The following SEMA3D variants were observed in gnomAD, a reference collection of about 807,000 sequenced individuals.
SEMA3D encodes the protein semaphorin 3D.
Under a neutral mutation model 100.1 loss-of-function variants are expected in SEMA3D, and 84 were observed. The ratio of observed to expected loss-of-function variants is 0.84; its 90% CI spans 0.70 to 1.01. SEMA3D has a LOEUF of 1.01. SEMA3D is among the 50% of genes least tolerant of loss of function. SEMA3D has a pLI of 0.00. For missense variants in SEMA3D, 875 were observed against 934.1 expected (o/e 0.94, Z 0.82); for synonymous variants, 312 against 320.7 (o/e 0.97, Z 0.29).
chr7:85,247,554 G>T, the SEMA3D span, among the ~76,000 whole-genome samples: 1 of 152,028 alleles, frequency 6.6e-6, no homozygotes, highest in Non-Finnish European at 1.5e-5. Flanking sequence ...ATGATTTCAA[G>T]TTTACATGGA....
At chr7:85,184,782 C>T (rs1217200676) in intron 1 of SEMA3D, among the ~76,000 whole-genome samples, 3 of 152,176 alleles carry the variant, frequency 2.0e-5, no homozygotes, top group African/African-American at 7.2e-5. Context: ...CTTCCAAGAG[C>T]CAAGGTCATT....
intron 9 of SEMA3D, among the ~76,000 whole-genome samples, chr7:85,043,599 C>T (rs1467507738): frequency 1.3e-5 from 2 of 151,978 alleles, no homozygotes; most frequent in African/African-American, 2.4e-5. Flanking sequence ...CTCTGTGTCC[C>T]GACCCAAATC....
chr7:85,044,803 G>A (rs1329884786), intron 9 of SEMA3D, among the ~76,000 whole-genome samples: 1 of 152,016 alleles, frequency 6.6e-6, no homozygotes, highest in Non-Finnish European at 1.5e-5. Context: ...CACTGACACT[G>A]TTTACAATTA....
intron 8 of SEMA3D, among the ~76,000 whole-genome samples, chr7:85,059,122 T>A (rs1318932708): frequency 6.6e-6 from 1 of 152,196 alleles, no homozygotes; most frequent in African/African-American, 2.4e-5. Flanking sequence ...TTAGAACTTT[T>A]TGAATTTACA....
chr7:85,157,152 T>C (rs979941661), intron 1 of SEMA3D, among the ~76,000 whole-genome samples: 5 of 152,226 alleles, frequency 3.3e-5, no homozygotes, highest in Non-Finnish European at 5.9e-5. Flanking sequence ...TAGGGTTTTA[T>C]TCTATTTCTT....
chr7:85,159,407 A>G (rs75529407), intron 1 of SEMA3D, among the ~76,000 whole-genome samples: 27,879 of 152,030 alleles, frequency 0.18, 2,767 homozygotes, highest in Non-Finnish European at 0.23. Flanking sequence ...ATTTTCCTCT[A>G]ACTCTAGTCC....
At chr7:85,217,735 G>A in the SEMA3D span, among the ~76,000 whole-genome samples, 1 of 152,010 alleles carries the variant, frequency 6.6e-6, no homozygotes, top group African/African-American at 2.4e-5. Flanking sequence ...AGCCCATTAT[G>A]ACTCTACCAA....
intron 2 of SEMA3D, chr7:85,143,462 A>G (rs1021255496): frequency 3.3e-5 from 5 of 152,304 alleles, no homozygotes; most frequent in South Asian, 4.1e-4. Context: ...CCCAGGCAAC[A>G]AATCTGTACA....
the SEMA3D span, among the ~76,000 whole-genome samples, chr7:85,214,022 A>C: frequency 1.3e-5 from 2 of 152,186 alleles, no homozygotes; most frequent in Non-Finnish European, 2.9e-5. Context: ...TGGTTATGGT[A>C]ATATAAACCC....
intron 2 of SEMA3D, among the ~76,000 whole-genome samples, chr7:85,136,262 T>C (rs1222576873): frequency 6.6e-6 from 1 of 152,134 alleles, no homozygotes; most frequent in Non-Finnish European, 1.5e-5. Flanking sequence ...AATCAGTTTT[T>C]CAGACAATGC....
chr7:85,033,960 T>C (rs1253386945), intron 12 of SEMA3D, among the ~76,000 whole-genome samples: 1 of 151,786 alleles, frequency 6.6e-6, no homozygotes. Context: ...GTGTAAGAAC[T>C]AATAACTGGG....
At chr7:85,139,637 CTAAGA>C (rs1341670844) in intron 2 of SEMA3D, among the ~76,000 whole-genome samples, 1 of 151,842 alleles carries the variant, frequency 6.6e-6, no homozygotes, top group African/African-American at 2.4e-5. Context: ...TTAATCTAAC[CTAAGA>C]TGTCATTTTA....
At chr7:85,246,050 T>A in the SEMA3D span, among the ~76,000 whole-genome samples, 2 of 152,128 alleles carry the variant, frequency 1.3e-5, no homozygotes, top group Non-Finnish European at 2.9e-5. Context: ...TGTTAATGAA[T>A]ATATTTATTA....
the SEMA3D span, among the ~76,000 whole-genome samples, chr7:85,193,886 A>C: frequency 1.3e-5 from 2 of 152,148 alleles, no homozygotes; most frequent in African/African-American, 2.4e-5. Flanking sequence ...AAAAAAAAAA[A>C]AACGCAGTTT....
intron 1 of SEMA3D, chr7:85,181,912 A>G (rs940852621): frequency 9.1e-5 from 18 of 198,114 alleles, no homozygotes; most frequent in Non-Finnish European, 1.5e-4. Context: ...GCAAACATAA[A>G]CAGTATACTT....
the SEMA3D span, among the ~76,000 whole-genome samples, chr7:85,228,096 T>C: frequency 6.6e-6 from 1 of 152,190 alleles, no homozygotes; most frequent in African/African-American, 2.4e-5. Flanking sequence ...GTACTTTTTA[T>C]AAATTTTATG....
At chr7:85,116,786 G>A (rs368841650) in intron 3 of SEMA3D, among the ~76,000 whole-genome samples, 1 of 152,046 alleles carries the variant, frequency 6.6e-6, no homozygotes, top group African/African-American at 2.4e-5. Context: ...CATTTTCTGT[G>A]TATGGTATAG....
At chr7:85,086,996 G>T (rs969543263) in intron 4 of SEMA3D, among the ~76,000 whole-genome samples, 3 of 152,128 alleles carry the variant, frequency 2.0e-5, no homozygotes, top group African/African-American at 7.2e-5. Flanking sequence ...TTGAGACAGT[G>T]ATTATTAATA....
the SEMA3D span, among the ~76,000 whole-genome samples, chr7:85,239,848 G>T: frequency 1.3e-5 from 2 of 152,090 alleles, no homozygotes; most frequent in Non-Finnish European, 2.9e-5. Context: ...AAAGGAAAGC[G>T]ATTGTCTTTT....
Sources: gnomAD v4.1 joint callset for allele counts (sites outside exome capture counted in the v4.1 genomes callset) on GRCh38, gnomAD v4.1.1 for gene constraint, MANE v1.5 for transcripts, NCBI Gene and HGNC (gene_info 2026-07-23, HGNC 2026-07-21) for gene names.